The following EPM2A variants were observed in gnomAD, a reference collection of about 807,000 sequenced individuals.
EPM2A encodes the protein laforin.
Under a neutral mutation model 26.5 loss-of-function variants are expected in EPM2A, and 21 were observed. The observed-to-expected ratio is 0.79, with a 90% CI of 0.56 to 1.14. EPM2A has a LOEUF of 1.14. Ranked by LOEUF, EPM2A falls within the 50% of genes most tolerant of loss-of-function variation. The pLI is 0.00. For synonymous variants in EPM2A, 217 were observed against 177.6 expected (o/e 1.22, Z -1.76); for missense variants, 458 against 440.8 (o/e 1.04, Z -0.35).
At chr6:145,670,658 T>C (rs1186296490) in intron 2 of EPM2A, among the ~76,000 whole-genome samples, 2 of 152,164 alleles carry the variant, frequency 1.3e-5, no homozygotes, top group Admixed American at 1.3e-4. Flanking sequence ...AAGATGCTAC[T>C]AACACTAATA....
intron 2 of EPM2A, among the ~76,000 whole-genome samples, chr6:145,581,634 C>T (rs1582873127): frequency 6.6e-6 from 1 of 152,104 alleles, no homozygotes; most frequent in African/African-American, 2.4e-5. Context: ...TTAGGTTTTA[C>T]ATTTAAATCT....
intron 2 of EPM2A, among the ~76,000 whole-genome samples, chr6:145,605,093 AG>A (rs1775206320): frequency 6.6e-6 from 1 of 152,186 alleles, no homozygotes; most frequent in Non-Finnish European, 1.5e-5. Flanking sequence ...AAATTTTGCT[AG>A]GGAAAGGTTG....
At chr6:145,609,633 T>C (rs1362081900) in intron 2 of EPM2A, among the ~76,000 whole-genome samples, 1 of 152,204 alleles carries the variant, frequency 6.6e-6, no homozygotes, top group African/African-American at 2.4e-5. Context: ...CAGTGTTTTC[T>C]ACACACGTAA....
At chr6:145,533,281 C>A (rs974443706) in intron 2 of EPM2A, among the ~76,000 whole-genome samples, 2 of 152,140 alleles carry the variant, frequency 1.3e-5, no homozygotes, top group Non-Finnish European at 2.9e-5. Flanking sequence ...TCTGTAACTA[C>A]CACAGCCCAA....
intron 2 of EPM2A, among the ~76,000 whole-genome samples, chr6:145,602,340 T>C (rs1445817818): frequency 6.6e-6 from 1 of 152,232 alleles, no homozygotes; most frequent in East Asian, 1.9e-4. Context: ...ATGAAGTGTA[T>C]ATCTAATAAG....
At chr6:145,398,870 A>G (rs1778443720) in intron 4 of EPM2A, among the ~76,000 whole-genome samples, 1 of 151,714 alleles carries the variant, frequency 6.6e-6, no homozygotes, top group African/African-American at 2.4e-5. Flanking sequence ...AAAAAAAAAA[A>G]AAAAACCATC....
chr6:145,543,847 A>C (rs1326122477), intron 2 of EPM2A, among the ~76,000 whole-genome samples: 1 of 152,084 alleles, frequency 6.6e-6, no homozygotes, highest in Non-Finnish European at 1.5e-5. Context: ...ATGGATGTAC[A>C]CTCCAGTACA....
intron 2 of EPM2A, among the ~76,000 whole-genome samples, chr6:145,536,700 C>T (rs77102149): frequency 0.011 from 1,688 of 152,280 alleles, 35 homozygotes; most frequent in African/African-American, 0.04. Context: ...GAGCTCTCCC[C>T]TGAGAGTGGG....
At chr6:145,520,444 C>T (rs1198821788) in intron 2 of EPM2A, among the ~76,000 whole-genome samples, 2 of 152,150 alleles carry the variant, frequency 1.3e-5, no homozygotes, top group Non-Finnish European at 2.9e-5. Flanking sequence ...CCAGCTACTG[C>T]TAAAATTCCG....
chr6:145,445,169 C>T (rs1459714467), intron 4 of EPM2A, among the ~76,000 whole-genome samples: 1 of 152,080 alleles, frequency 6.6e-6, no homozygotes, highest in Non-Finnish European at 1.5e-5. Context: ...GAGCTTAGAA[C>T]TTTCTCTAGT....
At chr6:145,680,353 CGTAA>C (rs1209797316) in intron 2 of EPM2A, among the ~76,000 whole-genome samples, 2 of 144,070 alleles carry the variant, frequency 1.4e-5, no homozygotes, top group Non-Finnish European at 3.0e-5. Context: ...TTTTTTTCTG[CGTAA>C]GTTTCATTTA....
chr6:145,405,981 T>TACACAC (rs56700058), intron 4 of EPM2A, among the ~76,000 whole-genome samples: 31,763 of 146,390 alleles, frequency 0.22, 4,107 homozygotes, highest in Non-Finnish European at 0.3. Flanking sequence ...TGGAGATACC[T>TACACAC]ACACACACAC....
chr6:145,724,185 C>T (rs1776084333), intron 1 of EPM2A, among the ~76,000 whole-genome samples: 1 of 152,056 alleles, frequency 6.6e-6, no homozygotes, highest in Non-Finnish European at 1.5e-5. Flanking sequence ...AGTAACTTAA[C>T]TGTCAGAAAC....
At chr6:145,485,743 G>A (rs1205316367) in intron 4 of EPM2A, among the ~76,000 whole-genome samples, 3 of 152,172 alleles carry the variant, frequency 2.0e-5, no homozygotes, top group African/African-American at 7.2e-5. Context: ...CCAAGACTGG[G>A]TAATTTATAG....
intron 2 of EPM2A, among the ~76,000 whole-genome samples, chr6:145,614,074 T>C (rs1775454713): frequency 6.6e-6 from 1 of 152,244 alleles, no homozygotes; most frequent in South Asian, 2.1e-4. Context: ...GTACCTGCCT[T>C]CACCAATGAT....
chr6:145,513,016 T>A (rs1780077557), intron 2 of EPM2A, among the ~76,000 whole-genome samples: 4 of 152,080 alleles, frequency 2.6e-5, no homozygotes, highest in Admixed American at 2.6e-4. Flanking sequence ...GAATTTATGA[T>A]GAAGACCCCA....
At position 145,631,541 on chromosome 6, in the gene EPM2A, T is replaced by C. The variant is rs115026735; in HGVS notation, c.718+3704A>G. ...GCTCCATACACACTCATTAAGTCCATGAATAAACACAAGACTAGAAAAACA... is the reference window on the plus strand; with the variant it reads ...GCTCCATACACACTCATTAAGTCCACGAATAAACACAAGACTAGAAAAACA... On this transcript the variant is annotated intron_variant, in intron 3 of 3. Transcript: ENST00000367519. 2.8e-3 allele frequency: 420 copies of C among 152,260 alleles called. 6 individuals are homozygous for C. The highest frequency in any genetic ancestry group is 9.7e-3 in the African/African-American group (401 of 41,544). The allele number at this position is 152,260 out of a possible 1,614,324, so 9.4% of individuals were successfully genotyped here. A position where few individuals can be genotyped will look rare whatever the true frequency, so the allele number is the denominator to read the frequency against.
At chr6:145,581,702 C>A (rs1375117295) in intron 2 of EPM2A, among the ~76,000 whole-genome samples, 2 of 152,120 alleles carry the variant, frequency 1.3e-5, no homozygotes, top group Non-Finnish European at 2.9e-5. Flanking sequence ...TTTCATTCTG[C>A]CTACAACTGG....
At chr6:145,711,086 C>T (rs1395999860) in intron 1 of EPM2A, among the ~76,000 whole-genome samples, 4 of 151,956 alleles carry the variant, frequency 2.6e-5, no homozygotes, top group Non-Finnish European at 4.4e-5. Context: ...CAAACCTGCA[C>T]GTTGTGCACA....
Sources: allele counts gnomAD v4.1 joint callset (sites outside exome capture counted in the v4.1 genomes callset), GRCh38; gene constraint gnomAD v4.1.1; transcripts MANE v1.5; gene names NCBI Gene and HGNC (gene_info 2026-07-23, HGNC 2026-07-21).